Variants in GPR176 observed in about 807,000 individuals in gnomAD.
The protein encoded by GPR176 is G protein-coupled receptor 176.
GPR176 carries 26 observed loss-of-function variants against 35.4 expected under a neutral mutation model. The ratio of observed to expected loss-of-function variants is 0.74; its 90% CI spans 0.54 to 1.02. The LOEUF (loss-of-function observed/expected upper bound fraction) is 1.02, where lower values mean the gene tolerates loss of function less well. GPR176 is among the 50% of genes least tolerant of loss of function. The probability of loss-of-function intolerance (pLI) is 0.00; values close to 1 mark genes in which losing one functional copy is unlikely to be tolerated. For missense variants in GPR176, 597 were observed against 665.3 expected (o/e 0.90, Z 1.13); for synonymous variants, 278 against 271.3 (o/e 1.02, Z -0.24).
intron 1 of GPR176, among the ~76,000 whole-genome samples, chr15:39,905,755 G>A (rs897737950): frequency 9.9e-5 from 15 of 151,808 alleles, no homozygotes; most frequent in Non-Finnish European, 1.5e-4. Context: ...TCTTGAATTA[G>A]CAAAATTATG....
intron 1 of GPR176, among the ~76,000 whole-genome samples, chr15:39,863,857 C>G (rs1017211721): frequency 6.6e-6 from 1 of 152,146 alleles, no homozygotes; most frequent in Non-Finnish European, 1.5e-5. Flanking sequence ...ATGGTGTTAA[C>G]ACAGTGATGA....
intron 1 of GPR176, among the ~76,000 whole-genome samples, chr15:39,908,655 C>G (rs575197444): frequency 6.6e-6 from 1 of 151,710 alleles, no homozygotes; most frequent in Non-Finnish European, 1.5e-5. Context: ...GATTCATTCT[C>G]TCCCCCTACT....
chr15:39,878,358 A>T (rs1450550091), intron 1 of GPR176, among the ~76,000 whole-genome samples: 1 of 152,230 alleles, frequency 6.6e-6, no homozygotes, highest in East Asian at 1.9e-4. Context: ...CATATAAGTG[A>T]AATCATACAG....
In GPR176 at chr15:39,801,811, G is replaced by A. The variant is rs1218458054; in HGVS notation, c.869C>T (p.Thr290Ile). The change falls in exon 3 of 3, where the codon ACT becomes ATT. Residue 290 changes from threonine to isoleucine, a missense_variant. Thr to Ile is a moderately conservative substitution (Grantham distance 89). Around this residue, in one of 3 missense-constraint regions of GPR176, gnomAD observed 220 missense variants for 297.6 expected, o/e 0.74. Transcript: ENST00000561100. ...GGAAGTGTCAGGGACATTGAGCACA[G>A]TCTGGTAGACGACCAGGGTGGCATA... ...VPYATLVVYQ[T>I]VLNVPDTSVF... The A allele has an allele frequency of 2.0e-5, 33 of 1,613,632 alleles. No homozygotes were observed. Among genetic ancestry groups the A allele is most frequent in the Non-Finnish European group, 2.5e-5 (29 of 1,179,652 alleles).
intron 1 of GPR176, among the ~76,000 whole-genome samples, chr15:39,859,805 G>A (rs1170002575): frequency 6.6e-6 from 1 of 152,118 alleles, no homozygotes; most frequent in Admixed American, 6.5e-5. Context: ...AACGGCGGCT[G>A]GGGTGAGGGA....
intron 1 of GPR176, among the ~76,000 whole-genome samples, chr15:39,863,361 T>C (rs1158084714): frequency 6.6e-6 from 1 of 151,490 alleles, no homozygotes; most frequent in African/African-American, 2.4e-5. Context: ...AATAAAAATT[T>C]TTAAAATAAT....
intron 1 of GPR176, among the ~76,000 whole-genome samples, chr15:39,865,924 A>G (rs2031810480): frequency 1.3e-5 from 2 of 152,192 alleles, no homozygotes; most frequent in South Asian, 4.2e-4. Context: ...CATTAGTTGT[A>G]ACGGTGAAAG....
intron 1 of GPR176, among the ~76,000 whole-genome samples, chr15:39,837,318 C>G (rs1258178727): frequency 6.6e-6 from 1 of 152,188 alleles, no homozygotes; most frequent in Non-Finnish European, 1.5e-5. Context: ...TGTCCACTGC[C>G]TACCATGATT....
intron 1 of GPR176, 38 bp downstream of exon 1, chr15:39,919,817 G>A (rs745754778): frequency 7.3e-7 from 1 of 1,363,946 alleles, no homozygotes; most frequent in Non-Finnish European, 9.5e-7. Context: ...TGTACCCTCG[G>A]GGAGGCCCGG....
intron 1 of GPR176, among the ~76,000 whole-genome samples, chr15:39,889,863 T>G (rs1473284606): frequency 6.6e-6 from 1 of 152,130 alleles, no homozygotes; most frequent in Non-Finnish European, 1.5e-5. Flanking sequence ...AGAGAAAAGC[T>G]AGTCTCAGCA....
At chr15:39,807,650 C>T (rs1352128931) in intron 1 of GPR176, 21 of 758,416 alleles carry the variant, frequency 2.8e-5, no homozygotes, top group East Asian at 5.3e-5. Context: ...CAGTGCAAAC[C>T]GCACATGTCA....
chr15:39,918,515 C>T (rs1490954786), intron 1 of GPR176, among the ~76,000 whole-genome samples: 5 of 152,202 alleles, frequency 3.3e-5, no homozygotes, highest in Non-Finnish European at 7.3e-5. Flanking sequence ...TCTACTACCT[C>T]TCCAATAACC....
At chr15:39,913,958 A>C (rs905034888) in intron 1 of GPR176, among the ~76,000 whole-genome samples, 1 of 152,132 alleles carries the variant, frequency 6.6e-6, no homozygotes. Context: ...AGGCAGGAGA[A>C]TGGCGTGAAC....
chr15:39,867,535 T>C (rs2031877733), intron 1 of GPR176, among the ~76,000 whole-genome samples: 1 of 151,552 alleles, frequency 6.6e-6, no homozygotes, highest in Non-Finnish European at 1.5e-5. Flanking sequence ...GGCCCCAGGG[T>C]TTGAACCTCA....
In GPR176 at chr15:39,883,083, G is replaced by A. The variant is rs571202014; in HGVS notation, c.172+36772C>T. ...ATGTGCTTAGAGACTTGTAGACTTC[G>A]TACGTGATGAAACCCTGACTCTGAT... On this transcript the variant is annotated intron_variant, in intron 1 of 2. Coordinates refer to ENST00000561100, the MANE Select transcript of GPR176 (RefSeq NM_007223.3). Among the ~76,000 whole-genome samples the A allele has an allele frequency of 1.2e-4, 18 of 152,194 alleles. No homozygotes were observed. The East Asian group carries it at 2.3e-3, about 20-fold the overall frequency.
intron 1 of GPR176, among the ~76,000 whole-genome samples, chr15:39,866,427 A>C (rs957401880): frequency 2.0e-5 from 3 of 152,216 alleles, no homozygotes; most frequent in Non-Finnish European, 2.9e-5. Flanking sequence ...CATTAGTAAC[A>C]TAACTACACA....
At chr15:39,886,297 A>T (rs78174212) in intron 1 of GPR176, among the ~76,000 whole-genome samples, 1,897 of 152,270 alleles carry the variant, frequency 0.012, 49 homozygotes, top group African/African-American at 0.041. Context: ...TGTAAGACTC[A>T]GCAGAGAATT....
intron 1 of GPR176, among the ~76,000 whole-genome samples, chr15:39,847,376 A>C: frequency 6.6e-6 from 1 of 152,182 alleles, no homozygotes; most frequent in East Asian, 1.9e-4. Flanking sequence ...GCTATCTCCA[A>C]GAGACTCACT....
intron 1 of GPR176, among the ~76,000 whole-genome samples, chr15:39,914,452 T>A (rs528232949): frequency 6.6e-6 from 1 of 152,062 alleles, no homozygotes; most frequent in East Asian, 1.9e-4. Context: ...TAGCTGAGAT[T>A]ATAGGCGCCT....
Sources: gnomAD v4.1 joint callset for allele counts (sites outside exome capture counted in the v4.1 genomes callset) on GRCh38, gnomAD v4.1.1 for gene constraint, gnomAD v4.1.1 regional missense constraint, MANE v1.5 for transcripts, NCBI Gene and HGNC (gene_info 2026-07-23, HGNC 2026-07-21) for gene names.